Variants in RBM19 observed in about 807,000 individuals in gnomAD.
RBM19 encodes RNA binding motif protein 19.
A neutral mutation model predicts 116.8 loss-of-function variants in RBM19; 94 were observed. The observed-to-expected ratio is 0.80, with a 90% confidence interval of 0.68 to 0.95. The LOEUF is 0.95. RBM19 is among the 40% of genes least tolerant of loss of function. RBM19 has a pLI of 0.00. For missense variants in RBM19, 1,161 were observed against 1,220.7 expected, an observed-to-expected ratio of 0.95 and a Z score of 0.73; for synonymous variants, 475 against 494.1, an observed-to-expected ratio of 0.96 and a Z score of 0.51.
chr12:113,895,705 G>A (rs528467438), intron 21 of RBM19, among the ~76,000 whole-genome samples: 9 of 152,090 alleles, frequency 5.9e-5, no homozygotes, highest in African/African-American at 1.9e-4. Flanking sequence ...GGGTGGCAGT[G>A]GATGAAAGGA....
intron 11 of RBM19, 104 bp from the exon 12 acceptor site, chr12:113,946,579 C>A: frequency 2.0e-6 from 3 of 1,481,740 alleles, no homozygotes; most frequent in Non-Finnish European, 2.8e-6. Flanking sequence ...GGACCCAGCA[C>A]TGAAACCCTG....
chr12:113,958,030 TTGG>T lies in RBM19; in HGVS notation c.589_591del (p.Pro197del). 6.2e-7 allele frequency: 1 copy of T among 1,612,580 alleles called. No individual in the cohort carries two copies. Among genetic ancestry groups the T allele is most frequent in the Non-Finnish European group, 8.5e-7 (1 of 1,179,250 alleles). ...GACAGCTCCTTCTGCACAGCTGCCTTTGGTTCGAGGCTTGCCTCTTCTGGAAAA... is the reference window on the plus strand; with the variant it reads ...GACAGCTCCTTCTGCACAGCTGCCTTTTCGAGGCTTGCCTCTTCTGGAAAA... On this transcript the variant is annotated inframe_deletion, in exon 6 of 24. Transcript: ENST00000261741.
intron 23 of RBM19, among the ~76,000 whole-genome samples, chr12:113,836,560 C>G (rs1266261100): frequency 1.3e-5 from 2 of 152,054 alleles, no homozygotes; most frequent in East Asian, 3.9e-4. Context: ...CCTGGATAAG[C>G]AGAGAGCTCG....
chr12:113,875,414 A>T (rs1223983353), intron 21 of RBM19, among the ~76,000 whole-genome samples: 1 of 152,230 alleles, frequency 6.6e-6, no homozygotes, highest in Admixed American at 6.5e-5. Flanking sequence ...ATGGTGAGTC[A>T]GAAGCTGAGA....
chr12:113,961,200 T>A (rs12427128), intron 2 of RBM19, among the ~76,000 whole-genome samples: 6,465 of 152,166 alleles, frequency 0.042, 336 homozygotes, highest in Admixed American at 0.15. Context: ...TTTTTTTTTT[T>A]ATTTTTGTAA....
intron 23 of RBM19, among the ~76,000 whole-genome samples, chr12:113,844,265 G>A (rs1311626858): frequency 6.6e-6 from 1 of 152,262 alleles, no homozygotes; most frequent in African/African-American, 2.4e-5. Context: ...CAGGAAGGCC[G>A]TGAGCATCCC....
chr12:113,927,553 C>T, intron 16 of RBM19: 1 of 262,358 alleles, frequency 3.8e-6, no homozygotes, highest in East Asian at 6.6e-5. Flanking sequence ...TTTTACTGAA[C>T]CGTGAGCCTA....
rs1199545288 is a variant in RBM19, at chr12:113,844,668, CGTGAAA to C, written c.2779_2784del (p.Phe927_His928del). ...GCCCAAAAGACCGTCCCGCTCCTAC[CGTGAAA>C]GTGAGCGGCCGTCTTCCGCCGCAGG... On this transcript the variant is annotated inframe_deletion and splice_region_variant, in exon 23 of 24. Coordinates refer to ENST00000261741, the MANE Select transcript of RBM19 (RefSeq NM_016196.4). 6.2e-7 allele frequency: 1 copy of C among 1,610,246 alleles called. No homozygotes were observed. The highest frequency in any genetic ancestry group is 8.5e-7 in the Non-Finnish European group (1 of 1,178,534).
intron 4 of RBM19, 122 bp downstream of exon 4, chr12:113,959,743 C>T (rs867968614): frequency 5.7e-6 from 7 of 1,227,290 alleles, no homozygotes; most frequent in East Asian, 2.5e-5. Flanking sequence ...CTAGCCTCCA[C>T]CCTCTCCAGC....
At chr12:113,920,408 G>GA (rs1419029389) in intron 19 of RBM19, among the ~76,000 whole-genome samples, 1 of 152,254 alleles carries the variant, frequency 6.6e-6, no homozygotes. Flanking sequence ...TGGATCAAAT[G>GA]AATGAACTAT....
At chr12:113,880,380 T>C (rs1330615753) in intron 21 of RBM19, among the ~76,000 whole-genome samples, 1 of 152,178 alleles carries the variant, frequency 6.6e-6, no homozygotes, top group East Asian at 1.9e-4. Context: ...TGATCCTGCC[T>C]ACATCTGTAA....
chr12:113,832,124 C>T (rs752503175), intron 23 of RBM19, among the ~76,000 whole-genome samples: 27 of 152,234 alleles, frequency 1.8e-4, no homozygotes, highest in Middle Eastern at 6.8e-3. Context: ...AACCACTTCC[C>T]AACATGACCA....
intron 9 of RBM19, among the ~76,000 whole-genome samples, chr12:113,949,421 CCT>C (rs1393130095): frequency 6.6e-6 from 1 of 152,170 alleles, no homozygotes; most frequent in Non-Finnish European, 1.5e-5. Context: ...ACGCATAGCC[CCT>C]GTGCCTGATT....
chr12:113,821,659 G>A (rs568117200), downstream of RBM19, among the ~76,000 whole-genome samples: 253 of 152,010 alleles, frequency 1.7e-3, no homozygotes, highest in African/African-American at 5.5e-3. Context: ...GCTCACACCT[G>A]TAATTCCAGA....
chr12:113,959,599 T>C (rs1398445938), intron 4 of RBM19, among the ~76,000 whole-genome samples, 195 bp from the exon 5 acceptor site: 1 of 152,162 alleles, frequency 6.6e-6, no homozygotes, highest in African/African-American at 2.4e-5. Flanking sequence ...GACTCCTCAC[T>C]AGACAAAACT....
chr12:113,818,213 C>CA (rs767575044), downstream of RBM19: 18,027 of 68,814 alleles, frequency 0.26, 2,561 homozygotes, highest in East Asian at 0.58. Flanking sequence ...GACTTTGTCT[C>CA]AAAAAAAAAA....
chr12:113,909,263 T>C (rs1300438892), intron 21 of RBM19, among the ~76,000 whole-genome samples: 3 of 152,138 alleles, frequency 2.0e-5, no homozygotes, highest in Admixed American at 1.3e-4. Context: ...ACTGGGACTA[T>C]AGGAGTGCCA....
At chr12:113,871,494 ACTACT>A (rs770139736) in intron 21 of RBM19, among the ~76,000 whole-genome samples, 15 of 152,370 alleles carry the variant, frequency 9.8e-5, no homozygotes, top group South Asian at 4.1e-4. Flanking sequence ...TAGCTTTGCG[ACTACT>A]CTACTCTGCT....
At chr12:113,875,156 G>A (rs546272516) in intron 21 of RBM19, among the ~76,000 whole-genome samples, 2 of 152,378 alleles carry the variant, frequency 1.3e-5, no homozygotes, top group East Asian at 3.9e-4. Context: ...CAGGGAGCAC[G>A]GGAGCGAGTG....
Sources: allele counts gnomAD v4.1 joint callset (sites outside exome capture counted in the v4.1 genomes callset), GRCh38; gene constraint gnomAD v4.1.1; transcripts MANE v1.5; gene names NCBI Gene and HGNC (gene_info 2026-07-23, HGNC 2026-07-21).